Variants in PRSS23 observed in about 807,000 individuals in gnomAD.
The protein encoded by PRSS23 is protease, serine 23.
Under a neutral mutation model 34.7 loss-of-function variants are expected in PRSS23, and 25 were observed. That is an observed-to-expected ratio of 0.72 (90% CI 0.53 to 1.01). The LOEUF is 1.01. Among genes scored for constraint, PRSS23 ranks in the 50% least tolerant of loss-of-function variants. The probability of loss-of-function intolerance (pLI) is 0.00; values close to 1 mark genes in which losing one functional copy is unlikely to be tolerated. For missense variants in PRSS23, 445 were observed against 475.6 expected (o/e 0.94, Z 0.60); for synonymous variants, 176 against 186.6 (o/e 0.94, Z 0.46).
intron 2 of PRSS23, among the ~76,000 whole-genome samples, chr11:86,883,646 G>A (rs781721081): frequency 6.6e-6 from 1 of 152,114 alleles, no homozygotes; most frequent in Non-Finnish European, 1.5e-5. Flanking sequence ...AGATGAATGG[G>A]ATCTAATTAA....
intron 2 of PRSS23, among the ~76,000 whole-genome samples, chr11:86,854,252 G>A (rs568172536): frequency 3.2e-4 from 48 of 152,154 alleles, no homozygotes; most frequent in African/African-American, 1.1e-3. Context: ...TGCCTGCCTC[G>A]GCCTCCCAAA....
At chr11:86,831,044 C>T (rs558243752) in intron 2 of PRSS23, among the ~76,000 whole-genome samples, 1 of 151,972 alleles carries the variant, frequency 6.6e-6, no homozygotes, top group African/African-American at 2.4e-5. Flanking sequence ...GGATGTTTCT[C>T]CTAATGTCAA....
intron 2 of PRSS23, among the ~76,000 whole-genome samples, chr11:86,856,578 A>G (rs1325991079): frequency 2.6e-5 from 4 of 152,214 alleles, no homozygotes; most frequent in African/African-American, 9.7e-5. Context: ...CTGACTTAAC[A>G]TCTTGGAAAG....
chr11:86,887,416 A>C (rs940536243), intron 2 of PRSS23, among the ~76,000 whole-genome samples: 3 of 150,362 alleles, frequency 2.0e-5, no homozygotes, highest in Non-Finnish European at 1.5e-5. Context: ...AACAAAACAA[A>C]AAAAAAAAAA....
At chr11:86,800,846 CG>C (rs1485924935) in intron 1 of PRSS23, among the ~76,000 whole-genome samples, 195 bp downstream of exon 1, 1 of 152,104 alleles carries the variant, frequency 6.6e-6, no homozygotes, top group Non-Finnish European at 1.5e-5. Context: ...GGGGAGACGG[CG>C]GGGGCTGCAG....
chr11:86,852,189 C>G (rs1948535476), intron 2 of PRSS23, among the ~76,000 whole-genome samples: 1 of 152,148 alleles, frequency 6.6e-6, no homozygotes, highest in Non-Finnish European at 1.5e-5. Context: ...AGAGTCCGTC[C>G]TCAAGACTGG....
At chr11:86,844,254 G>T (rs1247028241) in intron 2 of PRSS23, among the ~76,000 whole-genome samples, 1 of 152,198 alleles carries the variant, frequency 6.6e-6, no homozygotes, top group African/African-American at 2.4e-5. Context: ...ACACACCGGG[G>T]CCTGTCAGGG....
At chr11:86,821,118 G>C (rs901945981) in intron 1 of PRSS23, 6 of 538,292 alleles carry the variant, frequency 1.1e-5, no homozygotes, top group Admixed American at 3.4e-5. Context: ...TATGTGATCT[G>C]TACATTTTTC....
intron 2 of PRSS23, among the ~76,000 whole-genome samples, chr11:86,852,817 A>G (rs1270278191): frequency 6.6e-6 from 1 of 152,066 alleles, no homozygotes; most frequent in Non-Finnish European, 1.5e-5. Flanking sequence ...ACTACTCTAG[A>G]CACTTGATAT....
intron 2 of PRSS23, among the ~76,000 whole-genome samples, chr11:86,942,335 A>G (rs367799413): frequency 3.9e-5 from 6 of 152,254 alleles, no homozygotes; most frequent in East Asian, 3.8e-4. Flanking sequence ...CAAAGGGGTG[A>G]GAGGAACATG....
Position 86,800,577 on chromosome 11 carries a change from G to C in PRSS23, c.-88G>C, listed in dbSNP as rs947927788. On this transcript the variant is annotated 5_prime_UTR_variant, in exon 1 of 2. Transcript: ENST00000280258. ...GTGCGGCGGGGCAGGCATGGGAGCCGCGCGCTCTCTCCCGGCGCCCACACC... is the reference window on the plus strand; with the variant it reads ...GTGCGGCGGGGCAGGCATGGGAGCCCCGCGCTCTCTCCCGGCGCCCACACC... 6.1e-6 allele frequency: 6 copies of C among 984,870 alleles called. No individual in the cohort carries two copies. The highest frequency in any genetic ancestry group is 6.2e-5 in the Admixed American group (1 of 16,206). 61.0% of individuals were successfully genotyped at this position (984,870 alleles called of 1,614,324 possible). A position where few individuals can be genotyped will look rare whatever the true frequency, so the allele number is the denominator to read the frequency against.
chr11:86,877,857 C>CAAAA (rs11403638), intron 2 of PRSS23, among the ~76,000 whole-genome samples: 15 of 125,878 alleles, frequency 1.2e-4, no homozygotes, highest in South Asian at 2.5e-4. Flanking sequence ...TTCATTTCTG[C>CAAAA]AAAAAAAAAA....
At chr11:86,831,425 A>G (rs1948354655) in intron 2 of PRSS23, among the ~76,000 whole-genome samples, 2 of 151,762 alleles carry the variant, frequency 1.3e-5, no homozygotes, top group African/African-American at 2.4e-5. Flanking sequence ...GATACTCCTA[A>G]TGTCATAGCA....
intron 2 of PRSS23, chr11:86,833,090 C>T (rs1279056647): frequency 1.2e-5 from 7 of 601,164 alleles, no homozygotes; most frequent in East Asian, 3.5e-5. Flanking sequence ...TGGCTACAAA[C>T]CGGTCATAGG....
At chr11:86,921,023 G>C (rs1049159823) in intron 2 of PRSS23, among the ~76,000 whole-genome samples, 2 of 152,132 alleles carry the variant, frequency 1.3e-5, no homozygotes, top group African/African-American at 4.8e-5. Flanking sequence ...TCATGCTCCA[G>C]GTTCACTGTC....
At chr11:86,873,256 G>GTGTATATATATA (rs142908794) in intron 2 of PRSS23, among the ~76,000 whole-genome samples, 1,321 of 121,008 alleles carry the variant, frequency 0.011, 15 homozygotes, top group African/African-American at 0.021. Context: ...ACATATATAT[G>GTGTATATATATA]TATATATATA....
chr11:86,872,061 T>C (rs1376523102), intron 2 of PRSS23, among the ~76,000 whole-genome samples: 2 of 152,210 alleles, frequency 1.3e-5, no homozygotes, highest in Non-Finnish European at 2.9e-5. Flanking sequence ...CAATTAGCAG[T>C]AAGGGGTGTT....
At chr11:86,935,373 T>C (rs1713350348) in intron 2 of PRSS23, 1 of 149,284 alleles carries the variant, frequency 6.7e-6, no homozygotes. Context: ...CGGGAAAAGA[T>C]GCATCATAAG....
intron 2 of PRSS23, among the ~76,000 whole-genome samples, chr11:86,922,655 G>A (rs1949054409): frequency 6.6e-6 from 1 of 152,128 alleles, no homozygotes; most frequent in African/African-American, 2.4e-5. Flanking sequence ...ATGCCCTAAA[G>A]ATATAGATAT....
Sources: allele counts gnomAD v4.1 joint callset (sites outside exome capture counted in the v4.1 genomes callset), GRCh38; gene constraint gnomAD v4.1.1; transcripts MANE v1.5; gene names NCBI Gene and HGNC (gene_info 2026-07-23, HGNC 2026-07-21).